Variants in ELOVL7 observed in about 807,000 individuals in gnomAD.
ELOVL7 encodes very long chain fatty acid elongase 7.
A neutral mutation model predicts 35.7 loss-of-function variants in ELOVL7; 27 were observed. That is an observed-to-expected ratio of 0.76 (90% CI 0.56 to 1.04). The LOEUF (loss-of-function observed/expected upper bound fraction) is 1.04, where lower values mean the gene tolerates loss of function less well. Among genes scored for constraint, ELOVL7 ranks in the 50% least tolerant of loss-of-function variants. The pLI is 0.00. For synonymous variants in ELOVL7, 113 were observed against 114.6 expected, an observed-to-expected ratio of 0.99 and a Z score of 0.09; for missense variants, 327 against 340.8, an observed-to-expected ratio of 0.96 and a Z score of 0.32.
At chr5:60,838,606 A>C (rs1382976841) in intron 1 of ELOVL7, among the ~76,000 whole-genome samples, 2 of 152,198 alleles carry the variant, frequency 1.3e-5, no homozygotes, top group Non-Finnish European at 2.9e-5. Flanking sequence ...AAAGTCCAAG[A>C]AGCAGGGCTG....
In ELOVL7 at chr5:60,757,657, A is replaced by G; in HGVS notation, c.500-12T>C. On this transcript the variant is annotated splice_polypyrimidine_tract_variant and intron_variant, in intron 7 of 8. Coordinates refer to ENST00000508821, the MANE Select transcript of ELOVL7 (RefSeq NM_024930.3). ...TGTTCCCAAACCACCTGGAAAATAA[A>G]ATTATTGTAACATGGGGCCATTGTT... 6.5e-7 allele frequency: 1 copy of G among 1,538,102 alleles called. No individual in the cohort carries two copies. The highest frequency in any genetic ancestry group is 8.8e-7 in the Non-Finnish European group (1 of 1,131,500).
At chr5:60,841,309 A>G (rs116265107) in intron 1 of ELOVL7, among the ~76,000 whole-genome samples, 2,232 of 152,330 alleles carry the variant, frequency 0.015, 58 homozygotes, top group African/African-American at 0.051. Context: ...TACAGGGGCG[A>G]ACCACTGTGC....
chr5:60,757,829 T>C (rs1164401063), intron 7 of ELOVL7, among the ~76,000 whole-genome samples, 184 bp from the exon 8 acceptor site: 1 of 152,168 alleles, frequency 6.6e-6, no homozygotes, highest in Non-Finnish European at 1.5e-5. Flanking sequence ...AAATATAAGA[T>C]ATGAACCTGA....
At chr5:60,841,023 CT>C (rs59046428) in intron 1 of ELOVL7, among the ~76,000 whole-genome samples, 49,787 of 125,334 alleles carry the variant, frequency 0.4, 10,861 homozygotes, top group African/African-American at 0.59. Flanking sequence ...AATTACTTTC[CT>C]TTTTTTTTTT....
intron 1 of ELOVL7, among the ~76,000 whole-genome samples, chr5:60,821,508 T>C (rs1745887440): frequency 6.6e-6 from 1 of 152,224 alleles, no homozygotes; most frequent in Admixed American, 6.5e-5. Flanking sequence ...CTAAAAATCC[T>C]TGTTCGGCTG....
At position 60,754,318 on chromosome 5, in the gene ELOVL7, G is replaced by A; in HGVS notation, c.*306C>T. On this transcript the variant is annotated 3_prime_UTR_variant, in exon 9 of 9. Coordinates refer to ENST00000508821, the MANE Select transcript of ELOVL7 (RefSeq NM_024930.3). ...TTATTGGACTTCTTTGAAGAGTACT[G>A]TATTGCTTCATATCTTTTTTTCACT... The A allele has an allele frequency of 3.0e-6, 1 of 338,566 alleles. No homozygotes were observed. The highest frequency in any genetic ancestry group is 9.5e-4 in the Middle Eastern group (1 of 1,054). 21.0% of individuals were successfully genotyped at this position (338,566 alleles called of 1,614,324 possible).
intron 1 of ELOVL7, among the ~76,000 whole-genome samples, chr5:60,831,961 A>T (rs1258086572): frequency 6.6e-6 from 1 of 152,228 alleles, no homozygotes; most frequent in Non-Finnish European, 1.5e-5. Context: ...CTGGGAAAAA[A>T]GTAGAATGTG....
chr5:60,753,139 C>G lies in ELOVL7; in HGVS notation c.*1485G>C, dbSNP rs573155671. On this transcript the variant is annotated 3_prime_UTR_variant, in exon 9 of 9. Coordinates refer to ENST00000508821, the MANE Select transcript of ELOVL7 (RefSeq NM_024930.3). ...AGTATCTCTGTGTGTTCAAAATTAACTGGGGCTTTAAGTACTAATTGTTTA... is the reference window on the plus strand; with the variant it reads ...AGTATCTCTGTGTGTTCAAAATTAAGTGGGGCTTTAAGTACTAATTGTTTA... 3.3e-5 allele frequency: 5 copies of G among 151,888 alleles called. No homozygotes were observed. The highest frequency in any genetic ancestry group is 1.2e-4 in the African/African-American group (5 of 41,440). The allele number at this position is 151,888 out of a possible 1,614,324, so 9.4% of individuals were successfully genotyped here.
At chr5:60,763,751 T>C (rs1742063165) in intron 7 of ELOVL7, among the ~76,000 whole-genome samples, 1 of 152,132 alleles carries the variant, frequency 6.6e-6, no homozygotes, top group Non-Finnish European at 1.5e-5. Flanking sequence ...GTAACCACAA[T>C]TTGACACATC....
intron 1 of ELOVL7, among the ~76,000 whole-genome samples, chr5:60,817,559 GTGTGTATATATA>G (rs1319095296): frequency 4.6e-4 from 68 of 148,248 alleles, no homozygotes; most frequent in African/African-American, 1.5e-3. Context: ...AATGGTGTGT[GTGTGTATATATA>G]TGTGTATATA....
intron 1 of ELOVL7, among the ~76,000 whole-genome samples, chr5:60,818,852 A>G (rs544110608): frequency 6.6e-6 from 1 of 151,262 alleles, no homozygotes; most frequent in African/African-American, 2.4e-5. Context: ...CTAAAAATAC[A>G]AAAAAATTAG....
chr5:60,784,035 T>G lies in ELOVL7; in HGVS notation c.64+3299A>C, dbSNP rs144718413. 5.8e-5 allele frequency: 46 copies of G among 790,736 alleles called. No individual in the cohort carries two copies. The African/African-American group carries it at 7.1e-4, about 12-fold the overall frequency. 49.0% of individuals were successfully genotyped at this position (790,736 alleles called of 1,614,324 possible). On this transcript the variant is annotated intron_variant, in intron 3 of 8. Coordinates refer to ENST00000508821, the MANE Select transcript of ELOVL7 (RefSeq NM_024930.3). ...AAGTTCTGATTTATTACTAGCTTAA[T>G]AATTCGTTTCTAAGAGTGTCCCAGG... is the stretch of plus-strand genomic sequence containing the variant.
intron 1 of ELOVL7, among the ~76,000 whole-genome samples, chr5:60,842,511 C>T (rs1406306818): frequency 7.9e-6 from 1 of 126,396 alleles, no homozygotes; most frequent in African/African-American, 2.8e-5. Context: ...AAAAAAAAAG[C>T]GGGGGCAGGG....
rs574938984 is a variant in ELOVL7, at chr5:60,810,384, T to G, written c.-85-11154A>C. ...AAGGGAGATGATGAATTCATTCATT[T>G]ATTAAAGGCTTTTCATGTGGATTTT... is the stretch of plus-strand genomic sequence containing the variant. On this transcript the variant is annotated intron_variant, in intron 1 of 8. Transcript: ENST00000508821. Among the ~76,000 whole-genome samples, 359 of 152,338 alleles carry G rather than the reference T, an allele frequency of 2.4e-3. 3 individuals are homozygous for G. Among genetic ancestry groups the G allele is most frequent in the African/African-American group, 8.4e-3 (351 of 41,582 alleles).
intron 1 of ELOVL7, among the ~76,000 whole-genome samples, chr5:60,828,336 T>A (rs1746293282): frequency 6.6e-6 from 1 of 152,204 alleles, no homozygotes; most frequent in Non-Finnish European, 1.5e-5. Flanking sequence ...TTTAGCACTT[T>A]TCATTAAAAA....
At chr5:60,824,814 T>G (rs914396349) in intron 1 of ELOVL7, among the ~76,000 whole-genome samples, 9 of 152,154 alleles carry the variant, frequency 5.9e-5, no homozygotes, top group African/African-American at 1.9e-4. Flanking sequence ...AAAACTCAAG[T>G]CATGTCCCTT....
At chr5:60,833,529 G>C (rs1241752651) in intron 1 of ELOVL7, among the ~76,000 whole-genome samples, 1 of 151,808 alleles carries the variant, frequency 6.6e-6, no homozygotes, top group Middle Eastern at 3.4e-3. Context: ...CCAACTTCTG[G>C]TACTATCTAG....
chr5:60,790,510 C>T (rs1743872755), intron 2 of ELOVL7, among the ~76,000 whole-genome samples: 1 of 152,188 alleles, frequency 6.6e-6, no homozygotes, highest in African/African-American at 2.4e-5. Flanking sequence ...CAGAGGATTT[C>T]TCCAAGTCCA....
At chr5:60,830,597 TTTTC>T (rs1222030369) in intron 1 of ELOVL7, among the ~76,000 whole-genome samples, 21 of 148,054 alleles carry the variant, frequency 1.4e-4, no homozygotes, top group Non-Finnish European at 2.6e-4. Context: ...GAGGCTTTTT[TTTTC>T]TTTCTTTCTT....
Sources: allele counts gnomAD v4.1 joint callset (sites outside exome capture counted in the v4.1 genomes callset), GRCh38; gene constraint gnomAD v4.1.1; transcripts MANE v1.5; gene names NCBI Gene and HGNC (gene_info 2026-07-23, HGNC 2026-07-21).